CLEC16A: variants seen among roughly 807,000 people sequenced by gnomAD.
The protein encoded by CLEC16A is C-type lectin domain containing 16A.
Under a neutral mutation model 109.5 loss-of-function variants are expected in CLEC16A, and 51 were observed. The ratio of observed to expected loss-of-function variants is 0.47; its 90% confidence interval spans 0.37 to 0.59. The LOEUF (loss-of-function observed/expected upper bound fraction) is 0.59, where lower values mean the gene tolerates loss of function less well. Among genes scored for constraint, CLEC16A ranks in the 20% least tolerant of loss-of-function variants. The pLI is 0.00. For missense variants in CLEC16A, 1,339 were observed against 1,394.0 expected (o/e 0.96, Z 0.63); for synonymous variants, 673 against 564.2 (o/e 1.19, Z -2.73).
chr16:10,969,357 CTTTT>C (rs759478746), intron 4 of CLEC16A, 48 bp downstream of exon 4: 3,605 of 989,854 alleles, frequency 3.6e-3, no homozygotes, highest in South Asian at 4.9e-3. Flanking sequence ...CCACACGTGG[CTTTT>C]TTTTTTTTTT....
intron 15 of CLEC16A, 148 bp from the exon 16 acceptor site, chr16:11,043,880 A>AG (rs778173199): frequency 3.7e-5 from 20 of 534,536 alleles, no homozygotes; most frequent in Non-Finnish European, 5.1e-5. Context: ...TCTCAAGAAA[A>AG]GGGAAAAAAA....
At chr16:11,167,888 A>G (rs1391194576) in intron 23 of CLEC16A, among the ~76,000 whole-genome samples, 6 of 152,168 alleles carry the variant, frequency 3.9e-5, no homozygotes, top group Admixed American at 1.3e-4. Flanking sequence ...AGAAACTAAG[A>G]CGCACCCTCA....
chr16:11,052,056 C>T (rs1344859493), intron 18 of CLEC16A, among the ~76,000 whole-genome samples: 2 of 152,182 alleles, frequency 1.3e-5, no homozygotes, highest in Non-Finnish European at 2.9e-5. Flanking sequence ...AGGCATCTAC[C>T]TGCTCTTGGG....
intron 22 of CLEC16A, among the ~76,000 whole-genome samples, chr16:11,130,223 G>T (rs1394252919): frequency 1.3e-5 from 2 of 152,278 alleles, no homozygotes; most frequent in East Asian, 3.9e-4. Context: ...CCCCCACTTA[G>T]TATCGTTGAG....
At position 11,027,741 on chromosome 16, in the gene CLEC16A, C is replaced by G. The variant is rs541624422; in HGVS notation, c.1537+2820C>G. The G allele has an allele frequency of 1.4e-4, 214 of 1,544,680 alleles. No homozygotes were observed. In the East Asian group the frequency reaches 3.6e-3, roughly 26 times the overall value. ...TGGCTATCGGGGTGAACGCATCAAT[C>G]AGCTCATCCGCCAGCTGAACTAGAC... is the stretch of plus-strand genomic sequence containing the variant. On this transcript the variant is annotated intron_variant, in intron 13 of 23. Transcript: ENST00000409790.
intron 19 of CLEC16A, among the ~76,000 whole-genome samples, chr16:11,067,036 A>T (rs868101259): frequency 2.0e-5 from 3 of 152,294 alleles, no homozygotes; most frequent in Middle Eastern, 3.4e-3. Flanking sequence ...AGACATTGTT[A>T]ATATTGAGTA....
At chr16:10,996,504 A>G (rs867852377) in intron 10 of CLEC16A, among the ~76,000 whole-genome samples, 11 of 151,962 alleles carry the variant, frequency 7.2e-5, no homozygotes, top group South Asian at 2.1e-4. Flanking sequence ...CTTTCCTACT[A>G]TTCTTTCCTT....
intron 1 of CLEC16A, among the ~76,000 whole-genome samples, chr16:10,947,092 A>G (rs1327604154): frequency 1.3e-5 from 2 of 152,186 alleles, no homozygotes; most frequent in Admixed American, 6.5e-5. Flanking sequence ...CATTGTTTAG[A>G]TCACATGTCT....
chr16:11,057,934 A>G (rs2048291865), intron 18 of CLEC16A, among the ~76,000 whole-genome samples: 1 of 152,062 alleles, frequency 6.6e-6, no homozygotes, highest in South Asian at 2.1e-4. Context: ...AGATGAGACA[A>G]CCCCGTACAG....
At chr16:11,047,379 C>T (rs761889501) in intron 17 of CLEC16A, 37 bp downstream of exon 17, 17 of 1,517,008 alleles carry the variant, frequency 1.1e-5, no homozygotes, top group South Asian at 2.6e-5. Flanking sequence ...GGCTGGTGTG[C>T]GCCTGTGTCC....
At chr16:10,945,624 C>T (rs1299290312) in intron 1 of CLEC16A, among the ~76,000 whole-genome samples, 1 of 152,186 alleles carries the variant, frequency 6.6e-6, no homozygotes, top group African/African-American at 2.4e-5. Context: ...TCTGAGCCTC[C>T]AGATTCCCAT....
chr16:11,118,678 G>C (rs2052181413), intron 19 of CLEC16A, among the ~76,000 whole-genome samples: 2 of 152,210 alleles, frequency 1.3e-5, no homozygotes, highest in Non-Finnish European at 2.9e-5. Context: ...TTTGTTGCCT[G>C]TGCTTTTGAG....
chr16:11,168,787 C>T (rs1437969975), intron 23 of CLEC16A, among the ~76,000 whole-genome samples: 2 of 152,228 alleles, frequency 1.3e-5, no homozygotes, highest in South Asian at 2.1e-4. Flanking sequence ...TCCAGCAAGC[C>T]GCAGAGGAGA....
intron 18 of CLEC16A, among the ~76,000 whole-genome samples, chr16:11,060,073 C>T (rs770234348): frequency 3.3e-5 from 5 of 152,186 alleles, no homozygotes; most frequent in African/African-American, 4.8e-5. Context: ...CACACGGCTC[C>T]GACTGCTGGG....
At chr16:11,137,189 G>A (rs2053607616) in intron 22 of CLEC16A, among the ~76,000 whole-genome samples, 1 of 151,730 alleles carries the variant, frequency 6.6e-6, no homozygotes, top group Admixed American at 6.6e-5. Flanking sequence ...TTCTGTTGGT[G>A]TTTTTTTTCT....
At chr16:10,973,431 C>T (rs927336022) in intron 7 of CLEC16A, among the ~76,000 whole-genome samples, 3 of 152,078 alleles carry the variant, frequency 2.0e-5, no homozygotes, top group African/African-American at 7.2e-5. Context: ...CTTGGTGTGG[C>T]GTAGATGAAC....
At chr16:11,007,436 A>C (rs1022633041) in intron 11 of CLEC16A, among the ~76,000 whole-genome samples, 3 of 152,194 alleles carry the variant, frequency 2.0e-5, no homozygotes, top group Non-Finnish European at 4.4e-5. Context: ...CAAGCCAGGG[A>C]CTGACTATCG....
intron 22 of CLEC16A, chr16:11,156,549 C>T (rs777814455): frequency 6.0e-5 from 77 of 1,291,382 alleles, no homozygotes; most frequent in Admixed American, 6.9e-5. Flanking sequence ...CTGTCTAACC[C>T]GCCTTCCTCC....
chr16:11,153,539 T>G (rs1190241203), intron 22 of CLEC16A, among the ~76,000 whole-genome samples: 1 of 151,322 alleles, frequency 6.6e-6, no homozygotes, highest in Non-Finnish European at 1.5e-5. Flanking sequence ...CGTACAGTTG[T>G]GTTTAAGAAA....
Sources: allele counts gnomAD v4.1 joint callset (sites outside exome capture counted in the v4.1 genomes callset), GRCh38; gene constraint gnomAD v4.1.1; transcripts MANE v1.5; gene names NCBI Gene and HGNC (gene_info 2026-07-23, HGNC 2026-07-21).